The following CLVS1 variants were observed in gnomAD, a reference collection of about 807,000 sequenced individuals.
The protein encoded by CLVS1 is clavesin 1.
CLVS1 carries 10 observed loss-of-function variants against 33.1 expected under a neutral mutation model. The observed-to-expected ratio is 0.30, with a 90% CI of 0.19 to 0.51. CLVS1 has a LOEUF of 0.51. Among genes scored for constraint, CLVS1 ranks in the 20% least tolerant of loss-of-function variants. CLVS1 has a pLI of 0.97. For missense variants in CLVS1, 343 were observed against 433.4 expected (o/e 0.79, Z 1.85); for synonymous variants, 163 against 166.1 (o/e 0.98, Z 0.14).
chr8:61,052,999 C>T (rs758218227), upstream of CLVS1, among the ~76,000 whole-genome samples: 8 of 152,186 alleles, frequency 5.3e-5, no homozygotes, highest in South Asian at 6.2e-4. Flanking sequence ...CGTGGATTGA[C>T]GTGATTTACT....
chr8:61,203,472 C>T (rs979764257), intron 2 of CLVS1, among the ~76,000 whole-genome samples: 2 of 151,572 alleles, frequency 1.3e-5, no homozygotes, highest in South Asian at 4.2e-4. Flanking sequence ...ACAGTAGTAG[C>T]GGTGGTCAGA....
intron 2 of CLVS1, among the ~76,000 whole-genome samples, chr8:61,257,391 AT>A (rs1157700697): frequency 5.9e-5 from 9 of 152,256 alleles, no homozygotes; most frequent in African/African-American, 2.2e-4. Flanking sequence ...AGTTTTAAAT[AT>A]GTTTTAACTC....
intron 2 of CLVS1, among the ~76,000 whole-genome samples, chr8:61,270,342 C>T (rs182985750): frequency 7.2e-4 from 109 of 152,274 alleles, no homozygotes; most frequent in African/African-American, 2.3e-3. Context: ...ATTGAACCAG[C>T]CTTGCATCCA....
intron 2 of CLVS1, among the ~76,000 whole-genome samples, chr8:61,247,104 T>G (rs1808828714): frequency 6.6e-6 from 1 of 152,144 alleles, no homozygotes; most frequent in Non-Finnish European, 1.5e-5. Context: ...TGATAGCCTC[T>G]AGCTCCATCA....
At chr8:61,382,903 T>C (rs998929605) in intron 3 of CLVS1, among the ~76,000 whole-genome samples, 2 of 152,138 alleles carry the variant, frequency 1.3e-5, no homozygotes, top group Non-Finnish European at 2.9e-5. Flanking sequence ...TTGTGAAATG[T>C]GGTGTCAGTA....
intron 2 of CLVS1, among the ~76,000 whole-genome samples, chr8:61,229,403 A>C (rs1379888905): frequency 2.0e-5 from 3 of 152,170 alleles, no homozygotes; most frequent in Non-Finnish European, 4.4e-5. Context: ...CTCACAACTA[A>C]TTCCTGAATC....
intron 3 of CLVS1, among the ~76,000 whole-genome samples, chr8:61,404,173 T>A (rs1009521236): frequency 3.3e-5 from 5 of 152,154 alleles, no homozygotes; most frequent in African/African-American, 1.2e-4. Context: ...TGGAAAAGCA[T>A]CCCTTGCCAA....
At chr8:61,038,124 C>A in the CLVS1 span, among the ~76,000 whole-genome samples, 5 of 152,160 alleles carry the variant, frequency 3.3e-5, no homozygotes. Flanking sequence ...GACTTGAGCT[C>A]CTGACATTCC....
At chr8:61,119,802 A>C (rs1384168364) in intron 1 of CLVS1, among the ~76,000 whole-genome samples, 1 of 115,272 alleles carries the variant, frequency 8.7e-6, no homozygotes, top group Non-Finnish European at 1.7e-5. Flanking sequence ...GGCTGCCCTT[A>C]ACATTTTTTC....
At chr8:61,458,855 C>T (rs555608805) in intron 5 of CLVS1, among the ~76,000 whole-genome samples, 59 of 152,272 alleles carry the variant, frequency 3.9e-4, no homozygotes, top group Non-Finnish European at 7.6e-4. Flanking sequence ...TTGAGATACA[C>T]TAGGTGGAAA....
At chr8:61,033,694 G>T in the CLVS1 span, among the ~76,000 whole-genome samples, 5 of 152,202 alleles carry the variant, frequency 3.3e-5, no homozygotes, top group South Asian at 4.1e-4. Flanking sequence ...CCACCTGGCT[G>T]GGGGGGCACT....
chr8:61,435,425 A>G (rs1816293461), intron 3 of CLVS1, among the ~76,000 whole-genome samples: 1 of 152,192 alleles, frequency 6.6e-6, no homozygotes, highest in African/African-American at 2.4e-5. Flanking sequence ...TTAGGGCCAT[A>G]GTCAGTATGA....
chr8:61,101,310 A>C (rs1248340464), intron 1 of CLVS1, among the ~76,000 whole-genome samples: 1 of 151,970 alleles, frequency 6.6e-6, no homozygotes, highest in Non-Finnish European at 1.5e-5. Context: ...TTTAGTTTGC[A>C]TTTCTTTGAT....
rs992153837 is a variant in CLVS1 at position 61,123,105 on chromosome 8, A to G, written c.-242-8665A>G. Among the ~76,000 whole-genome samples, 4 of 142,584 alleles carry G rather than the reference A, an allele frequency of 2.8e-5. 1 individual carries two copies. The highest frequency in any genetic ancestry group is 4.1e-4 in the East Asian group (2 of 4,910). 93.5% of individuals were successfully genotyped at this position (142,584 alleles called of 152,430 possible). On this transcript the variant is annotated intron_variant, in intron 1 of 2. Coordinates refer to the CLVS1 transcript ENST00000522621. ...ACCAGCATGGAGAAAACCCATCTCT[A>G]CTAAAGATACAAAATTAGCCGGGGG...
intron 1 of CLVS1, among the ~76,000 whole-genome samples, chr8:61,130,172 A>C (rs992386678): frequency 8.6e-5 from 13 of 151,980 alleles, no homozygotes; most frequent in Non-Finnish European, 1.0e-4. Flanking sequence ...TGGGAGGTGG[A>C]GGTTGCAGTG....
chr8:61,215,437 T>C (rs1315431556), intron 2 of CLVS1, among the ~76,000 whole-genome samples: 3 of 152,194 alleles, frequency 2.0e-5, no homozygotes, highest in African/African-American at 7.2e-5. Context: ...CTGAGCTTGA[T>C]AGCCTATGAA....
At chr8:61,354,066 T>C (rs1563511932) in intron 2 of CLVS1, among the ~76,000 whole-genome samples, 1 of 152,034 alleles carries the variant, frequency 6.6e-6, no homozygotes, top group South Asian at 2.1e-4. Context: ...ACTAGCCCTA[T>C]AGCCTTCAAA....
At chr8:61,478,993 T>A (rs895774793) in intron 5 of CLVS1, among the ~76,000 whole-genome samples, 6 of 152,206 alleles carry the variant, frequency 3.9e-5, no homozygotes, top group African/African-American at 1.4e-4. Flanking sequence ...ACCCAACCTT[T>A]CTCTCTGGCT....
the CLVS1 span, among the ~76,000 whole-genome samples, chr8:60,994,498 G>A: frequency 2.0e-5 from 3 of 152,114 alleles, no homozygotes; most frequent in Non-Finnish European, 2.9e-5. Flanking sequence ...GCAAACCTGT[G>A]GTCTGTGAAG....
Sources: allele counts gnomAD v4.1 joint callset (sites outside exome capture counted in the v4.1 genomes callset), GRCh38; gene constraint gnomAD v4.1.1; transcripts MANE v1.5; gene names NCBI Gene and HGNC (gene_info 2026-07-23, HGNC 2026-07-21).